The following LSM11 variants were observed in gnomAD, a reference collection of about 807,000 sequenced individuals.
LSM11 encodes the protein U7 snRNA-associated Sm-like protein LSm11.
A neutral mutation model predicts 28.1 loss-of-function variants in LSM11; 14 were observed. That is an observed-to-expected ratio of 0.50 (90% CI 0.33 to 0.78). LSM11 has a LOEUF of 0.78. Among genes scored for constraint, LSM11 ranks in the 30% least tolerant of loss-of-function variants. The pLI is 0.02. For missense variants in LSM11, 495 were observed against 510.6 expected (o/e 0.97, Z 0.30); for synonymous variants, 207 against 214.2 (o/e 0.97, Z 0.30).
chr5:157,744,292 G>T (rs554716184), intron 1 of LSM11, 94 bp downstream of exon 1: 3 of 992,998 alleles, frequency 3.0e-6, no homozygotes, highest in East Asian at 3.3e-5. Context: ...CCGGGCGCGG[G>T]TCTGCACGTA....
In LSM11 at chr5:157,757,732, C is replaced by G. The variant is rs1742451037; in HGVS notation, c.*2468C>G. On this transcript the variant is annotated 3_prime_UTR_variant, in exon 4 of 4. Coordinates refer to ENST00000286307, the MANE Select transcript of LSM11 (RefSeq NM_173491.4). ...TATCCTCATCTGCCTGCCCTCTCAT[C>G]CCTCGGCTAGAATGATGTACTCTAC... 1 of 152,204 alleles carries G rather than the reference C, an allele frequency of 6.6e-6. No individual in the cohort carries two copies. The highest frequency in any genetic ancestry group is 2.4e-5 in the African/African-American group (1 of 41,456). 9.4% of individuals were successfully genotyped at this position (152,204 alleles called of 1,614,324 possible).
rs1761320633 is a variant in LSM11, at chr5:157,755,991, G to A, written c.*727G>A. 4 of 308,116 alleles carry A rather than the reference G, an allele frequency of 1.3e-5. No homozygotes were observed. In the Admixed American group the frequency reaches 2.0e-4, roughly 16 times the overall value. The allele number at this position is 308,116 out of a possible 1,614,324, so 19.1% of individuals were successfully genotyped here. On this transcript the variant is annotated 3_prime_UTR_variant, in exon 4 of 4. Coordinates refer to ENST00000286307, the MANE Select transcript of LSM11 (RefSeq NM_173491.4). Reference sequence around the variant, plus strand: ...GGGACTCTAAGATGCTTGTGTGGTGGCTTCTTGTCCTTCTCTTTGACTTCT... The same window carrying A: ...GGGACTCTAAGATGCTTGTGTGGTGACTTCTTGTCCTTCTCTTTGACTTCT...
At chr5:157,750,465 C>T (rs1761214145) in intron 1 of LSM11, among the ~76,000 whole-genome samples, 1 of 152,208 alleles carries the variant, frequency 6.6e-6, no homozygotes. Flanking sequence ...TTAGTAGTGT[C>T]ATAGGAGCCA....
At position 157,756,830 on chromosome 5, in the gene LSM11, T is replaced by G. The variant is rs1314431431; in HGVS notation, c.*1566T>G. 6.6e-6 allele frequency: 1 copy of G among 152,604 alleles called. No individual in the cohort carries two copies. Among genetic ancestry groups the G allele is most frequent in the Non-Finnish European group, 1.5e-5 (1 of 68,042 alleles). The allele number at this position is 152,604 out of a possible 1,614,324, so 9.5% of individuals were successfully genotyped here. A position where few individuals can be genotyped will look rare whatever the true frequency, so the allele number is the denominator to read the frequency against. ...CTCTGTTTCATAGCTTTGTAAGAAT[T>G]CTGTGTCTTTATAAGACACAGAAGC... On this transcript the variant is annotated 3_prime_UTR_variant, in exon 4 of 4. Transcript: ENST00000286307.
intron 1 of LSM11, 134 bp downstream of exon 1, chr5:157,744,332 G>T (rs1581448475): frequency 4.9e-6 from 3 of 615,598 alleles, no homozygotes; most frequent in Non-Finnish European, 7.1e-6. Context: ...AAAATTTGCG[G>T]GGATCATCAG....
rs577603595 is a variant in LSM11 at position 157,755,643 on chromosome 5, G to C, written c.*379G>C. On this transcript the variant is annotated 3_prime_UTR_variant, in exon 4 of 4. Transcript: ENST00000286307. ...AAAAAGAAGTATTGCATGTCTAAAA[G>C]CTAGTGCCCTGAGTACTCATGAATT... 2 of 426,826 alleles carry C rather than the reference G, an allele frequency of 4.7e-6. No homozygotes were observed. The highest frequency in any genetic ancestry group is 3.4e-5 in the East Asian group (1 of 29,368). 26.4% of individuals were successfully genotyped at this position (426,826 alleles called of 1,614,324 possible). A position where few individuals can be genotyped will look rare whatever the true frequency, so the allele number is the denominator to read the frequency against.
Position 157,754,080 on chromosome 5 carries a change from T to A in LSM11, c.665T>A (p.Leu222His). Residue 222 changes from leucine (L) to histidine (H), a missense_variant, in exon 3 of 4, where the codon CTC becomes CAC. Transcript: ENST00000286307. ...KAYERDSSLT[L>H]TRLFDRLKLQ... ...TATGAACGGGATTCTTCACTGACTC[T>A]CACTAGGGTAGGCAGTTTTCCCCTG... 1.3e-6 allele frequency: 2 copies of A among 1,569,380 alleles called. No homozygotes were observed. Among genetic ancestry groups the A allele is most frequent in the Non-Finnish European group, 1.7e-6 (2 of 1,159,046 alleles).
chr5:157,753,947 A>G (rs1224853185), intron 2 of LSM11, 57 bp from the exon 3 acceptor site: 10 of 1,201,730 alleles, frequency 8.3e-6, no homozygotes, highest in Middle Eastern at 2.2e-4. Flanking sequence ...TGAAAAAGCT[A>G]TACAAATAAT....
Position 157,758,587 on chromosome 5 carries a change from C to A in LSM11, c.*3323C>A, listed in dbSNP as rs999610926. On this transcript the variant is annotated 3_prime_UTR_variant, in exon 4 of 4. Coordinates refer to ENST00000286307, the MANE Select transcript of LSM11 (RefSeq NM_173491.4). The stretch of plus-strand genomic sequence containing the variant: ...AACATAATGATAGAGTCGGGGAACT[C>A]CCACTAGCTCACCTGAGGGGGGCTC... 5.9e-5 allele frequency: 9 copies of A among 152,160 alleles called. No individual in the cohort carries two copies. Among genetic ancestry groups the A allele is most frequent in the Admixed American group, 5.2e-4 (8 of 15,272 alleles). 9.4% of individuals were successfully genotyped at this position (152,160 alleles called of 1,614,324 possible).
chr5:157,743,898 GC>G lies in LSM11; in HGVS notation c.153del (p.Cys52AlafsTer116). On this transcript the variant is annotated frameshift_variant, in exon 1 of 4. Coordinates refer to ENST00000286307, the MANE Select transcript of LSM11 (RefSeq NM_173491.4). LOFTEE classifies it high-confidence loss of function. Reference sequence around the variant, plus strand: ...CCTGCCTCCCATTCCCTACCCCAATGCCCCCTGCTTCAACAACGTGGCGGAG... The same window carrying G: ...CCTGCCTCCCATTCCCTACCCCAATGCCCCTGCTTCAACAACGTGGCGGAG... ...PRLPPIPYPN[A>X]PCFNNVAEYE... 6.5e-7 allele frequency: 1 copy of G among 1,539,218 alleles called. No homozygotes were observed. Among genetic ancestry groups the G allele is most frequent in the Non-Finnish European group, 8.7e-7 (1 of 1,143,930 alleles).
In LSM11 at chr5:157,758,528, G is replaced by A. The variant is rs2113082825; in HGVS notation, c.*3264G>A. 1 of 152,336 alleles carries A rather than the reference G, an allele frequency of 6.6e-6. No homozygotes were observed. The highest frequency in any genetic ancestry group is 6.5e-5 in the Admixed American group (1 of 15,304). The allele number at this position is 152,336 out of a possible 1,614,324, so 9.4% of individuals were successfully genotyped here. ...ATCACAAGTTGCTATGGAAATAACTGAAGACTTCCTCAGGAGAAGGAAAGA... is the reference window on the plus strand; with the variant it reads ...ATCACAAGTTGCTATGGAAATAACTAAAGACTTCCTCAGGAGAAGGAAAGA... On this transcript the variant is annotated 3_prime_UTR_variant, in exon 4 of 4. Coordinates refer to ENST00000286307, the MANE Select transcript of LSM11 (RefSeq NM_173491.4).
chr5:157,749,033 GC>G lies in LSM11; in HGVS notation c.449-2356del, dbSNP rs576493251. Among the ~76,000 whole-genome samples the G allele has an allele frequency of 1.2e-3, 178 of 152,308 alleles. 2 individuals carry two copies. Among genetic ancestry groups the G allele is most frequent in the Non-Finnish European group, 1.8e-3 (122 of 68,032 alleles). On this transcript the variant is annotated intron_variant, in intron 1 of 3. Coordinates refer to ENST00000286307, the MANE Select transcript of LSM11 (RefSeq NM_173491.4). ...TTGGCGGTTTGCTCTGATAGGTGGT[GC>G]TAGTGTCGTACTTTTGATCACACAA... is the stretch of plus-strand genomic sequence containing the variant.
Position 157,754,899 on chromosome 5 carries a change from G to A in LSM11, c.718G>A (p.Asp240Asn), listed in dbSNP as rs1761298174. The stretch of plus-strand genomic sequence containing the variant: ...TCAAGATTCCTCCAAGAAGGAAGCA[G>A]ATTCTAAGTCTGCAGTTGAAGATTC... ...KLQDSSKKEA[D>N]SKSAVEDSTL... Residue 240 changes from aspartate to asparagine, a missense_variant, in exon 4 of 4, where the codon GAT becomes AAT. Physicochemically the swap from Asp to Asn is conservative, Grantham distance 23 (BLOSUM62 1). Transcript: ENST00000286307. 9 of 1,614,178 alleles carry A rather than the reference G, an allele frequency of 5.6e-6. No homozygotes were observed. Among genetic ancestry groups the A allele is most frequent in the Non-Finnish European group, 7.6e-6 (9 of 1,180,014 alleles).
At position 157,755,396 on chromosome 5, in the gene LSM11, G is replaced by T. The variant is rs536402539; in HGVS notation, c.*132G>T. On this transcript the variant is annotated 3_prime_UTR_variant, in exon 4 of 4. Coordinates refer to ENST00000286307, the MANE Select transcript of LSM11 (RefSeq NM_173491.4). Reference sequence around the variant, plus strand: ...CCTGCATATGCAGAGGACGGAGCAGGCTCAGCCCCCTGGAAGATGAGCTCA... The same window carrying T: ...CCTGCATATGCAGAGGACGGAGCAGTCTCAGCCCCCTGGAAGATGAGCTCA... 12 of 1,029,078 alleles carry T rather than the reference G, an allele frequency of 1.2e-5. No homozygotes were observed. In the Admixed American group the frequency reaches 1.9e-4, roughly 17 times the overall value. 63.7% of individuals were successfully genotyped at this position (1,029,078 alleles called of 1,614,324 possible). A position where few individuals can be genotyped will look rare whatever the true frequency, so the allele number is the denominator to read the frequency against.
chr5:157,744,312 C>G (rs1465388723), intron 1 of LSM11, 114 bp downstream of exon 1: 2 of 810,460 alleles, frequency 2.5e-6, no homozygotes, highest in African/African-American at 3.6e-5. Flanking sequence ...ATTGCGGGAG[C>G]GCCTTGGTGA....
chr5:157,745,545 C>G (rs1181481849), intron 1 of LSM11, among the ~76,000 whole-genome samples: 1 of 152,194 alleles, frequency 6.6e-6, no homozygotes, highest in Non-Finnish European at 1.5e-5. Flanking sequence ...CACTCCAAGT[C>G]TCATTGCAAC....
At chr5:157,748,308 T>G (rs1761176288) in intron 1 of LSM11, among the ~76,000 whole-genome samples, 1 of 152,174 alleles carries the variant, frequency 6.6e-6, no homozygotes. Context: ...TGGAGATATA[T>G]ATGTAGATAC....
chr5:157,759,474 C>T lies in LSM11; in HGVS notation c.*4210C>T, dbSNP rs907826386. 2 of 152,152 alleles carry T rather than the reference C, an allele frequency of 1.3e-5. No homozygotes were observed. Among genetic ancestry groups the T allele is most frequent in the Admixed American group, 1.3e-4 (2 of 15,270 alleles). The allele number at this position is 152,152 out of a possible 1,614,324, so 9.4% of individuals were successfully genotyped here. ...TTTAAGTTTTCTCTAAATTTTGCCT[C>T]TAGGAAAAAATTAAAACTATTCAAT... On this transcript the variant is annotated 3_prime_UTR_variant, in exon 4 of 4. Transcript: ENST00000286307.
chr5:157,747,292 G>A (rs757137337), intron 1 of LSM11, among the ~76,000 whole-genome samples: 26 of 152,202 alleles, frequency 1.7e-4, no homozygotes, highest in Non-Finnish European at 2.6e-4. Context: ...TCAAGCTCAC[G>A]TCTTGACATT....
Sources: gnomAD v4.1 joint callset for allele counts (sites outside exome capture counted in the v4.1 genomes callset) on GRCh38, gnomAD v4.1.1 for gene constraint, MANE v1.5 for transcripts, NCBI Gene and HGNC (gene_info 2026-07-23, HGNC 2026-07-21) for gene names.